Variants in MYO18B observed in about 807,000 individuals in gnomAD.
MYO18B encodes the protein myosin XVIIIB.
Under a neutral mutation model 273.0 loss-of-function variants are expected in MYO18B, and 204 were observed. That is an observed-to-expected ratio of 0.75 (90% confidence interval 0.67 to 0.84). The LOEUF is 0.84. Among genes scored for constraint, MYO18B ranks in the 40% least tolerant of loss-of-function variants. The pLI is 0.00. For missense variants in MYO18B, 3,212 were observed against 3,287.6 expected, an observed-to-expected ratio of 0.98 and a Z score of 0.56; for synonymous variants, 1,330 against 1,305.7, an observed-to-expected ratio of 1.02 and a Z score of -0.40.
At chr22:25,801,159 G>A (rs973033414) in intron 12 of MYO18B, among the ~76,000 whole-genome samples, 1 of 151,880 alleles carries the variant, frequency 6.6e-6, no homozygotes, top group African/African-American at 2.4e-5. Context: ...TCATTAAAAT[G>A]ATACTCCCTT....
chr22:25,968,405 G>A (rs573083177), intron 39 of MYO18B, among the ~76,000 whole-genome samples: 1 of 152,272 alleles, frequency 6.6e-6, no homozygotes, highest in South Asian at 2.1e-4. Context: ...TTCCAAAAAG[G>A]CAAAGCCTTT....
intron 22 of MYO18B, among the ~76,000 whole-genome samples, chr22:25,872,683 G>GT (rs1179110866): frequency 1.3e-5 from 2 of 151,912 alleles, no homozygotes; most frequent in South Asian, 2.1e-4. Context: ...TTAAGCCTTA[G>GT]TTTTTTCCTC....
chr22:25,967,209 T>C (rs1286774171), intron 39 of MYO18B, among the ~76,000 whole-genome samples: 1 of 152,212 alleles, frequency 6.6e-6, no homozygotes, highest in Non-Finnish European at 1.5e-5. Flanking sequence ...AGTTAATTAC[T>C]TAAAAAAGAA....
chr22:25,800,621 CT>C (rs1242910376), intron 12 of MYO18B, among the ~76,000 whole-genome samples: 1 of 152,202 alleles, frequency 6.6e-6, no homozygotes, highest in East Asian at 1.9e-4. Context: ...CTGGGGACCC[CT>C]GGGAGACTCT....
the MYO18B span, among the ~76,000 whole-genome samples, chr22:26,036,530 G>A: frequency 1.3e-5 from 2 of 152,168 alleles, no homozygotes; most frequent in Admixed American, 1.3e-4. Context: ...AGGCCCAGTA[G>A]TCTTATTCTG....
chr22:25,824,114 G>A (rs1243503839), intron 13 of MYO18B, among the ~76,000 whole-genome samples: 1 of 152,160 alleles, frequency 6.6e-6, no homozygotes, highest in East Asian at 1.9e-4. Context: ...CTCACTAAGG[G>A]TTTATAAACG....
At chr22:25,997,978 C>CACGAGAGAGAGAGA (rs34431605) in intron 40 of MYO18B, among the ~76,000 whole-genome samples, 3 of 144,638 alleles carry the variant, frequency 2.1e-5, no homozygotes, top group African/African-American at 7.9e-5. Flanking sequence ...CACACACACA[C>CACGAGAGAGAGAGA]GAGAGAGAGA....
intron 39 of MYO18B, among the ~76,000 whole-genome samples, chr22:25,986,778 A>C (rs2093206726): frequency 6.6e-6 from 1 of 152,230 alleles, no homozygotes; most frequent in African/African-American, 2.4e-5. Flanking sequence ...TCTAATCAGC[A>C]ACCAGATTCT....
At chr22:25,893,012 A>G (rs1490944744) in intron 27 of MYO18B, among the ~76,000 whole-genome samples, 2 of 152,350 alleles carry the variant, frequency 1.3e-5, no homozygotes, top group South Asian at 2.1e-4. Flanking sequence ...TCACAATGCT[A>G]TATAGGCTCT....
chr22:25,965,546 G>A (rs559640883), intron 39 of MYO18B, among the ~76,000 whole-genome samples: 1 of 152,272 alleles, frequency 6.6e-6, no homozygotes, highest in South Asian at 2.1e-4. Context: ...TCCCTCCAGG[G>A]CTGATTTCAA....
At chr22:25,986,275 TGAG>T (rs1253721777) in intron 39 of MYO18B, among the ~76,000 whole-genome samples, 1 of 152,192 alleles carries the variant, frequency 6.6e-6, no homozygotes, top group African/African-American at 2.4e-5. Context: ...AGCAGGTGGA[TGAG>T]GAGATTGTTC....
chr22:26,047,588 A>G, the MYO18B span, among the ~76,000 whole-genome samples: 1,265 of 152,322 alleles, frequency 8.3e-3, 18 homozygotes, highest in African/African-American at 0.028. Flanking sequence ...GCCACTAGCC[A>G]TATTCAGCTA....
intron 34 of MYO18B, among the ~76,000 whole-genome samples, chr22:25,940,200 G>A (rs949461775): frequency 2.6e-5 from 4 of 152,164 alleles, no homozygotes; most frequent in African/African-American, 9.7e-5. Context: ...ATTCCCACGT[G>A]TCATGAGAGG....
intron 20 of MYO18B, among the ~76,000 whole-genome samples, chr22:25,850,338 C>G (rs964863306): frequency 6.6e-6 from 1 of 152,124 alleles, no homozygotes; most frequent in Non-Finnish European, 1.5e-5. Flanking sequence ...CCTTTGGGAC[C>G]TGGTCTCTGC....
intron 39 of MYO18B, among the ~76,000 whole-genome samples, chr22:25,963,064 C>A (rs1474438833): frequency 6.6e-6 from 1 of 151,702 alleles, no homozygotes; most frequent in Non-Finnish European, 1.5e-5. Context: ...CTTGTTCTTC[C>A]TTATTCTTCC....
intron 25 of MYO18B, among the ~76,000 whole-genome samples, 200 bp downstream of exon 25, chr22:25,878,248 C>T (rs767293477): frequency 2.0e-5 from 3 of 152,080 alleles, no homozygotes; most frequent in Non-Finnish European, 4.4e-5. Context: ...GTATCTTCCT[C>T]GAGGCTGCAC....
chr22:25,852,919 C>T (rs549171693), intron 21 of MYO18B, among the ~76,000 whole-genome samples: 8 of 152,252 alleles, frequency 5.3e-5, no homozygotes, highest in African/African-American at 1.9e-4. Context: ...ATAGGGGATC[C>T]ACATAATTTC....
intron 1 of MYO18B, among the ~76,000 whole-genome samples, chr22:25,758,470 G>GAA (rs746499378): frequency 7.3e-6 from 1 of 136,422 alleles, no homozygotes; most frequent in African/African-American, 2.7e-5. Context: ...GGATTAAGAA[G>GAA]AAAAAAAAAA....
chr22:25,787,919 T>C (rs1186226279), intron 11 of MYO18B, among the ~76,000 whole-genome samples: 1 of 152,166 alleles, frequency 6.6e-6, no homozygotes, highest in Non-Finnish European at 1.5e-5. Flanking sequence ...TCCGTATGAA[T>C]CAGCAGAAGA....
Sources: allele counts gnomAD v4.1 joint callset (sites outside exome capture counted in the v4.1 genomes callset), GRCh38; gene constraint gnomAD v4.1.1; transcripts MANE v1.5; gene names NCBI Gene and HGNC (gene_info 2026-07-23, HGNC 2026-07-21).